TTC28: variants seen among roughly 807,000 people sequenced by gnomAD.
The protein encoded by TTC28 is tetratricopeptide repeat domain 28.
Under a neutral mutation model 198.0 loss-of-function variants are expected in TTC28, and 61 were observed. The observed-to-expected ratio is 0.31, with a 90% confidence interval of 0.25 to 0.38. TTC28 has a LOEUF of 0.38. Ranked by LOEUF, TTC28 falls within the 10% of genes least tolerant of loss-of-function variation. The probability of loss-of-function intolerance (pLI) is 1.00; values close to 1 mark genes in which losing one functional copy is unlikely to be tolerated. For missense variants in TTC28, 2,678 were observed against 3,164.0 expected (o/e 0.85, Z 3.69); for synonymous variants, 1,171 against 1,297.8 (o/e 0.90, Z 2.10).
chr22:28,024,729 T>C (rs1461484646), intron 13 of TTC28, among the ~76,000 whole-genome samples: 5 of 152,176 alleles, frequency 3.3e-5, no homozygotes, highest in Non-Finnish European at 7.4e-5. Context: ...TTTGAGGCTG[T>C]TGATAGGCAT....
intron 5 of TTC28, among the ~76,000 whole-genome samples, chr22:28,167,433 G>A (rs1011235174): frequency 6.6e-6 from 1 of 152,178 alleles, no homozygotes; most frequent in African/African-American, 2.4e-5. Flanking sequence ...TAAAATACTG[G>A]CAAACCGAAT....
At chr22:28,101,927 T>G (rs1244109609) in intron 8 of TTC28, among the ~76,000 whole-genome samples, 2 of 151,990 alleles carry the variant, frequency 1.3e-5, no homozygotes, top group Non-Finnish European at 2.9e-5. Flanking sequence ...TGTTCCAGGA[T>G]GCCTCGGCAA....
At chr22:28,663,440 G>A (rs1468553604) in intron 1 of TTC28, among the ~76,000 whole-genome samples, 9 of 145,606 alleles carry the variant, frequency 6.2e-5, no homozygotes, top group Admixed American at 6.9e-5. Context: ...GTGTGTGTGC[G>A]CACCGTGCGC....
intron 2 of TTC28, chr22:28,443,179 G>A (rs1227729177): frequency 6.6e-6 from 1 of 152,210 alleles, no homozygotes; most frequent in Non-Finnish European, 1.5e-5. Flanking sequence ...GCATTTTCCC[G>A]GCCGGCGCCT....
chr22:28,659,077 C>A (rs2051703285), intron 1 of TTC28, among the ~76,000 whole-genome samples: 1 of 152,154 alleles, frequency 6.6e-6, no homozygotes, highest in African/African-American at 2.4e-5. Flanking sequence ...TGTCTATCTG[C>A]AAAGCAGACA....
chr22:28,351,268 A>G (rs559926657), intron 2 of TTC28, among the ~76,000 whole-genome samples: 1 of 152,342 alleles, frequency 6.6e-6, no homozygotes, highest in Non-Finnish European at 1.5e-5. Flanking sequence ...GACAACATGC[A>G]TTCTACAAAC....
intron 6 of TTC28, among the ~76,000 whole-genome samples, chr22:28,159,860 C>T (rs1030201577): frequency 1.3e-5 from 2 of 152,244 alleles, no homozygotes; most frequent in African/African-American, 4.8e-5. Context: ...GGTACATATA[C>T]ACAATGGAGT....
intron 6 of TTC28, among the ~76,000 whole-genome samples, chr22:28,125,236 C>T (rs1942886635): frequency 6.6e-6 from 1 of 152,290 alleles, no homozygotes; most frequent in Admixed American, 6.5e-5. Flanking sequence ...TGGTATGAAC[C>T]TGTTTCTTAG....
At chr22:28,344,184 A>G (rs1236167616) in intron 2 of TTC28, among the ~76,000 whole-genome samples, 1 of 151,408 alleles carries the variant, frequency 6.6e-6, no homozygotes, top group Non-Finnish European at 1.5e-5. Flanking sequence ...AGCTATATTC[A>G]AAACAAGTAC....
chr22:28,074,837 C>T (rs1309092757), intron 12 of TTC28, among the ~76,000 whole-genome samples: 4 of 152,156 alleles, frequency 2.6e-5, no homozygotes, highest in Non-Finnish European at 2.9e-5. Context: ...CAGTGGCTCA[C>T]GCCTATAATC....
At chr22:28,372,640 A>G (rs1328528978) in intron 2 of TTC28, among the ~76,000 whole-genome samples, 1 of 152,052 alleles carries the variant, frequency 6.6e-6, no homozygotes, top group African/African-American at 2.4e-5. Context: ...ATTGTTCCCA[A>G]CTAAAGGGCC....
intron 2 of TTC28, among the ~76,000 whole-genome samples, chr22:28,520,791 G>A (rs930866445): frequency 2.6e-5 from 4 of 152,030 alleles, no homozygotes; most frequent in Non-Finnish European, 4.4e-5. Context: ...GGTAGCACAC[G>A]CTTGTAATCC....
rs148318372 is a variant in TTC28 at position 28,088,714 on chromosome 22, G to T, written c.3932+5366C>A. Among the ~76,000 whole-genome samples the T allele has an allele frequency of 7.0e-3, 1,065 of 152,328 alleles. 12 individuals are homozygous for T. The highest frequency in any genetic ancestry group is 0.025 in the African/African-American group (1,028 of 41,558). ...TGCACAGCAAAGGAAACTACCATCA[G>T]AGTGAACAGCCAACCTACAAAATGG... On this transcript the variant is annotated intron_variant, in intron 12 of 22. Transcript: ENST00000397906.
intron 2 of TTC28, among the ~76,000 whole-genome samples, chr22:28,327,015 C>CACACAG (rs1491121397): frequency 1.4e-5 from 2 of 143,606 alleles, no homozygotes; most frequent in African/African-American, 2.5e-5. Context: ...CACACACACA[C>CACACAG]AGCAAGCCCT....
At chr22:28,434,385 T>TA (rs2047484725) in intron 2 of TTC28, among the ~76,000 whole-genome samples, 1 of 152,044 alleles carries the variant, frequency 6.6e-6, no homozygotes, top group Non-Finnish European at 1.5e-5. Context: ...AAACTTCACC[T>TA]AAAAAAATGG....
chr22:28,267,881 G>A (rs1199623308), intron 5 of TTC28, among the ~76,000 whole-genome samples: 3 of 152,154 alleles, frequency 2.0e-5, no homozygotes, highest in East Asian at 3.8e-4. Context: ...AATGTAATAG[G>A]ACAGGACAGG....
chr22:28,347,362 C>T (rs2045921140), intron 2 of TTC28, among the ~76,000 whole-genome samples: 1 of 152,094 alleles, frequency 6.6e-6, no homozygotes, highest in Non-Finnish European at 1.5e-5. Flanking sequence ...GTTACTTCTA[C>T]TCCTCTCCAT....
rs115854766 is a variant in TTC28 at position 28,259,856 on chromosome 22, T to C, written c.933+36342A>G. Among the ~76,000 whole-genome samples, 286 of 152,270 alleles carry C rather than the reference T, an allele frequency of 1.9e-3. 2 individuals carry two copies. Among genetic ancestry groups the C allele is most frequent in the Middle Eastern group, 0.014 (4 of 294 alleles). On this transcript the variant is annotated intron_variant, in intron 5 of 22. Coordinates refer to ENST00000397906, the MANE Select transcript of TTC28 (RefSeq NM_001145418.2). Reference sequence around the variant, plus strand: ...AAACTATGGTGACATGGTCACATGATTTCTCTCAGAGGAAATTGCAAGGAG... The same window carrying C: ...AAACTATGGTGACATGGTCACATGACTTCTCTCAGAGGAAATTGCAAGGAG...
intron 2 of TTC28, among the ~76,000 whole-genome samples, chr22:28,597,311 T>C (rs1382342299): frequency 6.6e-6 from 1 of 152,166 alleles, no homozygotes; most frequent in Non-Finnish European, 1.5e-5. Flanking sequence ...AAACTGAAAC[T>C]CTACACTCAC....
Sources: gnomAD v4.1 joint callset for allele counts (sites outside exome capture counted in the v4.1 genomes callset) on GRCh38, gnomAD v4.1.1 for gene constraint, MANE v1.5 for transcripts, NCBI Gene and HGNC (gene_info 2026-07-23, HGNC 2026-07-21) for gene names.